SNX18: variants seen among roughly 807,000 people sequenced by gnomAD.
SNX18 encodes sorting nexin-18.
A neutral mutation model predicts 48.7 loss-of-function variants in SNX18; 35 were observed. That is an observed-to-expected ratio of 0.72 (90% CI 0.55 to 0.95). SNX18 has a LOEUF of 0.95. SNX18 is among the 40% of genes least tolerant of loss of function. The pLI, the probability that SNX18 is intolerant of heterozygous loss-of-function variation, is 0.00. For synonymous variants in SNX18, 492 were observed against 384.7 expected, an observed-to-expected ratio of 1.28 and a Z score of -3.26; for missense variants, 824 against 871.0, an observed-to-expected ratio of 0.95 and a Z score of 0.68.
chr5:54,629,378 C>A, the SNX18 span, among the ~76,000 whole-genome samples: 4 of 152,290 alleles, frequency 2.6e-5, no homozygotes, highest in African/African-American at 9.6e-5. Flanking sequence ...CATCATTAGC[C>A]CCAACTTTGA....
chr5:54,590,541 A>C, the SNX18 span, among the ~76,000 whole-genome samples: 37 of 152,162 alleles, frequency 2.4e-4, no homozygotes, highest in Non-Finnish European at 4.6e-4. Context: ...GAGTGTAGCT[A>C]GTGCAGGTGA....
the SNX18 span, among the ~76,000 whole-genome samples, chr5:54,626,824 A>C: frequency 2.6e-5 from 4 of 152,236 alleles, no homozygotes; most frequent in African/African-American, 9.6e-5. Flanking sequence ...AAGATAGCAA[A>C]CTACAGTGGG....
the SNX18 span, among the ~76,000 whole-genome samples, chr5:54,638,433 G>A: frequency 6.6e-6 from 1 of 152,186 alleles, no homozygotes; most frequent in Non-Finnish European, 1.5e-5. Flanking sequence ...TCTATAAAAT[G>A]GATGTCACAC....
chr5:54,608,926 TG>T, the SNX18 span, among the ~76,000 whole-genome samples: 1 of 152,232 alleles, frequency 6.6e-6, no homozygotes, highest in Admixed American at 6.5e-5. Flanking sequence ...AGTTTACAGC[TG>T]TGGGTCCACA....
At chr5:54,535,459 T>C (rs879452986) in intron 1 of SNX18, among the ~76,000 whole-genome samples, 3 of 152,262 alleles carry the variant, frequency 2.0e-5, no homozygotes, top group African/African-American at 4.8e-5. Flanking sequence ...TAAAGCAAAG[T>C]AAAAATATTG....
Position 54,519,265 on chromosome 5 carries a change from T to C in SNX18, c.1313T>C (p.Met438Thr), listed in dbSNP as rs1761957739. 1.9e-6 allele frequency: 3 copies of C among 1,613,880 alleles called. No individual in the cohort carries two copies. Among genetic ancestry groups the C allele is most frequent in the African/African-American group, 1.3e-5 (1 of 74,908 alleles). ...IDGFKCFTKK[M>T]DDSALQLNHT... is the part of the protein sequence containing the mutation. ...GGCTTCAAGTGCTTCACCAAGAAGA[T>C]GGACGACAGCGCGCTGCAGCTCAAC... Residue 438 changes from methionine to threonine, a missense_variant, in exon 1 of 2, where the codon ATG (methionine) becomes ACG (threonine). Met to Thr is a moderately conservative substitution (Grantham distance 81, BLOSUM62 -1). Around this residue, in one of 3 missense-constraint regions of SNX18, gnomAD observed 443 missense variants for 503.6 expected, o/e 0.88. Transcript: ENST00000381410.
chr5:54,616,873 C>T, the SNX18 span, among the ~76,000 whole-genome samples: 141 of 152,294 alleles, frequency 9.3e-4, no homozygotes, highest in African/African-American at 3.2e-3. Context: ...TGCCTAAACT[C>T]AGATGCAAGG....
chr5:54,641,830 G>A, the SNX18 span, among the ~76,000 whole-genome samples: 1 of 152,180 alleles, frequency 6.6e-6, no homozygotes, highest in Non-Finnish European at 1.5e-5. Flanking sequence ...GTGCAACGCG[G>A]CAGCATTGCC....
chr5:54,576,730 C>T, the SNX18 span, among the ~76,000 whole-genome samples: 2 of 152,334 alleles, frequency 1.3e-5, no homozygotes, highest in East Asian at 3.9e-4. Flanking sequence ...GACACAGAAA[C>T]CTTGAAGGCC....
chr5:54,613,581 A>C, the SNX18 span, among the ~76,000 whole-genome samples: 1 of 152,218 alleles, frequency 6.6e-6, no homozygotes, highest in Non-Finnish European at 1.5e-5. Context: ...GGACACATTC[A>C]AACCCAAGCA....
chr5:54,552,572 G>C, the SNX18 span, among the ~76,000 whole-genome samples: 1 of 152,218 alleles, frequency 6.6e-6, no homozygotes, highest in African/African-American at 2.4e-5. Context: ...AGTCACCCCA[G>C]TGCCAGCACA....
At chr5:54,605,942 G>A in the SNX18 span, among the ~76,000 whole-genome samples, 4 of 152,180 alleles carry the variant, frequency 2.6e-5, no homozygotes, top group African/African-American at 9.7e-5. Flanking sequence ...TGGATTATGG[G>A]TGTGAGCTAC....
chr5:54,568,406 G>T, the SNX18 span, among the ~76,000 whole-genome samples: 1 of 152,164 alleles, frequency 6.6e-6, no homozygotes, highest in African/African-American at 2.4e-5. Flanking sequence ...TAGATGTTCT[G>T]CTCCCTGCCA....
chr5:54,644,760 A>C, the SNX18 span: 8 of 152,270 alleles, frequency 5.3e-5, no homozygotes, highest in African/African-American at 1.9e-4. Flanking sequence ...ATCTTGGGAC[A>C]AGGGGAGACC....
At chr5:54,553,071 GA>G in the SNX18 span, among the ~76,000 whole-genome samples, 1 of 142,886 alleles carries the variant, frequency 7.0e-6, no homozygotes, top group African/African-American at 2.5e-5. Flanking sequence ...GGTGGGAGGG[GA>G]TGGGGGTGCA....
intron 1 of SNX18, among the ~76,000 whole-genome samples, chr5:54,535,980 C>T (rs1762345265): frequency 6.6e-6 from 1 of 152,146 alleles, no homozygotes. Flanking sequence ...GAGTAATCCA[C>T]CAAACTAATT....
chr5:54,613,224 T>G, the SNX18 span, among the ~76,000 whole-genome samples: 1 of 152,180 alleles, frequency 6.6e-6, no homozygotes. Flanking sequence ...TTAGTTCGTT[T>G]TATGCTTCTA....
intron 1 of SNX18, chr5:54,519,910 C>A: frequency 7.8e-7 from 1 of 1,289,570 alleles, no homozygotes; most frequent in East Asian, 2.4e-5. Context: ...AGAAGGGGAC[C>A]TAAACCATGT....
the SNX18 span, among the ~76,000 whole-genome samples, chr5:54,625,371 G>C: frequency 2.0e-5 from 3 of 152,186 alleles, no homozygotes; most frequent in East Asian, 5.8e-4. Context: ...GACTCAACTA[G>C]AGGCAGGCAG....
Sources: gnomAD v4.1 joint callset for allele counts (sites outside exome capture counted in the v4.1 genomes callset) on GRCh38, gnomAD v4.1.1 for gene constraint, gnomAD v4.1.1 regional missense constraint, MANE v1.5 for transcripts, NCBI Gene and HGNC (gene_info 2026-07-23, HGNC 2026-07-21) for gene names.